TARDBP: variants seen among roughly 807,000 people sequenced by gnomAD.
The protein encoded by TARDBP is TAR DNA-binding protein 43.
In TARDBP, 4 loss-of-function variants were observed where a neutral mutation model predicts 38.3. The ratio of observed to expected loss-of-function variants is 0.10; its 90% confidence interval spans 0.05 to 0.24. The LOEUF (loss-of-function observed/expected upper bound fraction) is 0.24. Ranked by LOEUF, TARDBP falls within the 10% of genes least tolerant of loss-of-function variation. TARDBP has a pLI of 1.00. For missense variants in TARDBP, 202 were observed against 521.9 expected (o/e 0.39, Z 5.97); for synonymous variants, 184 against 183.8 (o/e 1.00, Z -0.01).
intron 2 of TARDBP, chr1:11,016,163 A>G (rs1188114298): frequency 6.6e-6 from 1 of 150,904 alleles, no homozygotes; most frequent in Non-Finnish European, 1.5e-5. Context: ...CTGGTCTTGA[A>G]CTCCTGACCT....
chr1:11,016,214 C>T (rs1643521814), intron 2 of TARDBP: 1 of 153,416 alleles, frequency 6.5e-6, no homozygotes, highest in Admixed American at 6.5e-5. Context: ...GCTGGGATTA[C>T]AAGTGTGAGC....
In TARDBP at chr1:11,013,450, TCA is replaced by T. The variant is rs58761409; in HGVS notation, c.-12-263_-12-262del. Among the ~76,000 whole-genome samples, 104,708 of 152,010 alleles carry T rather than the reference TCA, an allele frequency of 0.69. 39,479 individuals are homozygous for T. Among genetic ancestry groups the T allele is most frequent in the East Asian group, 0.86 (4,466 of 5,168 alleles). ...TTGTAACCAGCAAGCCACGTTGGACTCACAGTTACAGTTTCAGTACCTGACGC... is the reference window on the plus strand; with the variant it reads ...TTGTAACCAGCAAGCCACGTTGGACTCAGTTACAGTTTCAGTACCTGACGC... On this transcript the variant is annotated intron_variant, in intron 1 of 5. Coordinates refer to ENST00000240185, the MANE Select transcript of TARDBP (RefSeq NM_007375.4).
In TARDBP at chr1:11,024,894, AT is replaced by A. The variant is rs1168351892; in HGVS notation, c.*2241del. The A allele has an allele frequency of 3.3e-5, 5 of 152,492 alleles. No homozygotes were observed. The highest frequency in any genetic ancestry group is 1.2e-4 in the African/African-American group (5 of 41,398). The allele number at this position is 152,492 out of a possible 1,614,324, so 9.4% of individuals were successfully genotyped here. A position where few individuals can be genotyped will look rare whatever the true frequency, so the allele number is the denominator to read the frequency against. On this transcript the variant is annotated 3_prime_UTR_variant, in exon 6 of 6. Coordinates refer to ENST00000240185, the MANE Select transcript of TARDBP (RefSeq NM_007375.4). ...ATTTGTTGTGTTGGTAGTTTACCTA[AT>A]GCCCTTACCTAATTAGATTATGATA... is the stretch of plus-strand genomic sequence containing the variant.
At chr1:11,013,342 C>T (rs921604704) in intron 1 of TARDBP, among the ~76,000 whole-genome samples, 1 of 152,246 alleles carries the variant, frequency 6.6e-6, no homozygotes, top group African/African-American at 2.4e-5. Flanking sequence ...AGTTAGGCTC[C>T]TCCTCTGCCT....
chr1:11,014,859 C>T (rs975983412), intron 2 of TARDBP, among the ~76,000 whole-genome samples: 3 of 152,076 alleles, frequency 2.0e-5, no homozygotes, highest in Non-Finnish European at 2.9e-5. Context: ...ATCGCTTGAA[C>T]CGGGAGGCAG....
At chr1:11,028,887 G>A (rs1643791035), downstream of TARDBP, among the ~76,000 whole-genome samples, 1 of 150,960 alleles carries the variant, frequency 6.6e-6, no homozygotes, top group African/African-American at 2.4e-5. Flanking sequence ...CTAATTTTTT[G>A]TATTTTTAAT....
intron 3 of TARDBP, 89 bp downstream of exon 3, chr1:11,017,096 A>T: frequency 2.8e-6 from 4 of 1,417,042 alleles, no homozygotes; most frequent in African/African-American, 1.4e-5. Flanking sequence ...ATGGGGTATC[A>T]CTATGTTCCC....
intron 2 of TARDBP, among the ~76,000 whole-genome samples, chr1:11,014,914 C>A (rs1643487472): frequency 6.7e-6 from 1 of 150,336 alleles, no homozygotes; most frequent in Non-Finnish European, 1.5e-5. Context: ...CCAGCCTGGG[C>A]AACAAGAGCG....
In TARDBP at chr1:11,024,657, T is replaced by A. The variant is rs1643696674; in HGVS notation, c.*2003T>A. The A allele has an allele frequency of 6.5e-6, 1 of 152,748 alleles. No individual in the cohort carries two copies. Among genetic ancestry groups the A allele is most frequent in the Non-Finnish European group, 1.5e-5 (1 of 68,126 alleles). The allele number at this position is 152,748 out of a possible 1,614,324, so 9.5% of individuals were successfully genotyped here. A position where few individuals can be genotyped will look rare whatever the true frequency, so the allele number is the denominator to read the frequency against. Reference sequence around the variant, plus strand: ...GCTTTAAGAATTAGGGTGGGTTGTCTGTCTGGAAGTGTTAAGTGGAATGGG... The same window carrying A: ...GCTTTAAGAATTAGGGTGGGTTGTCAGTCTGGAAGTGTTAAGTGGAATGGG... On this transcript the variant is annotated 3_prime_UTR_variant, in exon 6 of 6. Coordinates refer to ENST00000240185, the MANE Select transcript of TARDBP (RefSeq NM_007375.4).
downstream of TARDBP, chr1:11,030,317 A>G: frequency 9.1e-7 from 1 of 1,103,608 alleles, no homozygotes; most frequent in South Asian, 1.3e-5. Context: ...TTGCTTGAAT[A>G]CCCCCTTGAA....
At chr1:11,013,631 C>T (rs1643458998) in intron 1 of TARDBP, 85 bp from the exon 2 acceptor site, 3 of 1,171,010 alleles carry the variant, frequency 2.6e-6, no homozygotes, top group Non-Finnish European at 3.7e-6. Flanking sequence ...GAAGTCAGAA[C>T]TCTGACATGG....
At chr1:11,026,801 A>T, downstream of TARDBP, 1 of 1,212,788 alleles carries the variant, frequency 8.2e-7, no homozygotes, top group Non-Finnish European at 1.1e-6. Context: ...CACAGTAATG[A>T]TGAATGCTTC....
At chr1:11,015,455 G>A (rs368526856) in intron 2 of TARDBP, 4 of 151,702 alleles carry the variant, frequency 2.6e-5, no homozygotes, top group African/African-American at 9.7e-5. Context: ...ACTGCTCTCT[G>A]GCCTGGCAGC....
At position 11,022,447 on chromosome 1, in the gene TARDBP, G is replaced by C. The variant is rs1308704849; in HGVS notation, c.1038G>C (p.Gln346His). The change falls in exon 6 of 6, where the codon CAG (glutamine) becomes CAC (histidine). Residue 346 changes from glutamine to histidine, a missense_variant. Physicochemically the swap from Gln to His is conservative, Grantham distance 24. Around this residue, in one of 5 missense-constraint regions of TARDBP, gnomAD observed 107 missense variants for 190.5 expected, o/e 0.56. Coordinates refer to ENST00000240185, the MANE Select transcript of TARDBP (RefSeq NM_007375.4). The surrounding 1 kb of genome is among the most constrained non-coding windows in gnomAD (Gnocchi z 4.5). The part of the protein sequence containing the change: ...MMGMLASQQN[Q>H]SGPSGNNQNQ... ...GCATGTTAGCCAGCCAGCAGAACCA[G>C]TCAGGCCCATCGGGTAATAACCAAA... 1 of 1,613,576 alleles carries C rather than the reference G, an allele frequency of 6.2e-7. No individual in the cohort carries two copies. The highest frequency in any genetic ancestry group is 1.7e-5 in the Admixed American group (1 of 60,000).
chr1:11,019,987 C>G (rs1383114157), intron 4 of TARDBP, among the ~76,000 whole-genome samples: 1 of 151,912 alleles, frequency 6.6e-6, no homozygotes, highest in South Asian at 2.1e-4. Context: ...CCTCAGCCTC[C>G]CAAGATGCTG....
intron 5 of TARDBP, 100 bp downstream of exon 5, chr1:11,020,699 A>G (rs1394001245): frequency 7.9e-7 from 1 of 1,270,178 alleles, no homozygotes; most frequent in African/African-American, 1.5e-5. Context: ...CGAGGTCAGG[A>G]GATCAAGACC....
In TARDBP at chr1:11,024,627, T is replaced by C. The variant is rs1643696051; in HGVS notation, c.*1973T>C. ...TGTGCCTGAAATCCATTAAGAGGCC[T>C]GATAGCTTTAAGAATTAGGGTGGGT... is the stretch of plus-strand genomic sequence containing the variant. On this transcript the variant is annotated 3_prime_UTR_variant, in exon 6 of 6. Transcript: ENST00000240185. 6.6e-6 allele frequency: 1 copy of C among 152,614 alleles called. No homozygotes were observed. Among genetic ancestry groups the C allele is most frequent in the South Asian group, 2.1e-4 (1 of 4,834 alleles). 9.5% of individuals were successfully genotyped at this position (152,614 alleles called of 1,614,324 possible). A position where few individuals can be genotyped will look rare whatever the true frequency, so the allele number is the denominator to read the frequency against.
chr1:11,015,860 A>C (rs2100842731), intron 2 of TARDBP, among the ~76,000 whole-genome samples: 1 of 148,568 alleles, frequency 6.7e-6, no homozygotes, highest in Middle Eastern at 3.5e-3. Flanking sequence ...TCTCTGCCTC[A>C]GCCTCATGAG....
downstream of TARDBP, chr1:11,027,322 C>T (rs1448576194): frequency 1.2e-6 from 2 of 1,613,970 alleles, no homozygotes; most frequent in East Asian, 4.5e-5. Flanking sequence ...TTGATTACAA[C>T]TTTGTTATTC....
Sources: gnomAD v4.1 joint callset for allele counts (sites outside exome capture counted in the v4.1 genomes callset) on GRCh38, gnomAD v4.1.1 for gene constraint, gnomAD v4.1.1 regional missense constraint, Gnocchi (gnomAD v3.1) non-coding constraint, MANE v1.5 for transcripts, NCBI Gene and HGNC (gene_info 2026-07-23, HGNC 2026-07-21) for gene names.